The following RIMS1 variants were observed in gnomAD, a reference collection of about 807,000 sequenced individuals.
The protein encoded by RIMS1 is regulating synaptic membrane exocytosis 1, also known as regulating synaptic membrane exocytosis protein 1.
Under a neutral mutation model 214.1 loss-of-function variants are expected in RIMS1, and 83 were observed. The observed-to-expected ratio is 0.39, with a 90% CI of 0.32 to 0.47. RIMS1 has a LOEUF of 0.47. Among genes scored for constraint, RIMS1 ranks in the 20% least tolerant of loss-of-function variants. RIMS1 has a pLI of 0.99. For synonymous variants in RIMS1, 793 were observed against 786.8 expected (o/e 1.01, Z -0.13); for missense variants, 2,050 against 2,161.8 (o/e 0.95, Z 1.03).
chr6:72,097,189 G>T (rs538064300), intron 3 of RIMS1, 27 bp downstream of exon 3: 1 of 1,591,248 alleles, frequency 6.3e-7, no homozygotes, highest in South Asian at 1.1e-5. Flanking sequence ...CATAAGGGGC[G>T]TTGTGAATGT....
rs2044647747 is a variant in RIMS1, at chr6:72,157,836, T to C, written c.472-21739T>C. ...TTCTATTTCCCATTTTATTACTTCT[T>C]TTGGATTAGTTATATTAGCATTCTA... is the stretch of plus-strand genomic sequence containing the variant. On this transcript the variant is annotated intron_variant, in intron 4 of 33. Coordinates refer to ENST00000521978, the MANE Select transcript of RIMS1 (RefSeq NM_014989.7). Among the ~76,000 whole-genome samples, 2 of 140,628 alleles carry C rather than the reference T, an allele frequency of 1.4e-5. 1 individual carries two copies. Among genetic ancestry groups the C allele is most frequent in the South Asian group, 4.6e-4 (2 of 4,330 alleles). 92.3% of individuals were successfully genotyped at this position (140,628 alleles called of 152,430 possible). A position where few individuals can be genotyped will look rare whatever the true frequency, so the allele number is the denominator to read the frequency against.
chr6:72,057,026 A>T (rs1166274757), intron 2 of RIMS1, among the ~76,000 whole-genome samples: 1 of 152,110 alleles, frequency 6.6e-6, no homozygotes, highest in African/African-American at 2.4e-5. Flanking sequence ...CAGAGGGTGG[A>T]GGGTGGGAGC....
chr6:72,133,343 G>T (rs2040763238), intron 4 of RIMS1, among the ~76,000 whole-genome samples: 1 of 150,640 alleles, frequency 6.6e-6, no homozygotes, highest in African/African-American at 2.4e-5. Flanking sequence ...CTTCAAGTTT[G>T]TAGAATGCGT....
At chr6:72,324,154 A>G (rs2096330710) in intron 28 of RIMS1, among the ~76,000 whole-genome samples, 1 of 151,952 alleles carries the variant, frequency 6.6e-6, no homozygotes, top group African/African-American at 2.4e-5. Flanking sequence ...GAAGAAAAGT[A>G]TCTCCAGTTG....
intron 29 of RIMS1, among the ~76,000 whole-genome samples, chr6:72,387,372 C>T (rs980036477): frequency 6.6e-6 from 1 of 152,158 alleles, no homozygotes; most frequent in Non-Finnish European, 1.5e-5. Context: ...CTCATGCTGT[C>T]TTGGATAAAC....
At chr6:71,921,804 T>C (rs1325151151) in intron 1 of RIMS1, among the ~76,000 whole-genome samples, 1 of 152,212 alleles carries the variant, frequency 6.6e-6, no homozygotes, top group Non-Finnish European at 1.5e-5. Context: ...TTTGTCTTTA[T>C]TACGCAAATG....
intron 12 of RIMS1, 119 bp downstream of exon 12, chr6:72,248,246 A>G (rs2071202857): frequency 5.3e-6 from 3 of 565,570 alleles, no homozygotes; most frequent in Non-Finnish European, 3.2e-6. Context: ...ATTTAACACC[A>G]TAATCTACTT....
At chr6:71,940,575 C>CATA (rs1175312660) in intron 1 of RIMS1, among the ~76,000 whole-genome samples, 1 of 152,062 alleles carries the variant, frequency 6.6e-6, no homozygotes, top group East Asian at 1.9e-4. Flanking sequence ...AGACTTTATT[C>CATA]AAGACTATTG....
At chr6:71,992,404 C>CTCTTTCTTTCTTTCTTTCTTTCTT (rs70994109) in intron 2 of RIMS1, among the ~76,000 whole-genome samples, 48 of 110,162 alleles carry the variant, frequency 4.4e-4, no homozygotes, top group East Asian at 1.3e-3. Context: ...TTCTCTCTCT[C>CTCTTTCTTTCTTTCTTTCTTTCTT]TCTTTCTTTC....
chr6:72,265,471 A>C lies in RIMS1; in HGVS notation c.3276A>C (p.Thr1092=), dbSNP rs759086959. ...ISLHHECFNS[T]VLRFTDEILV... is the part of the protein sequence containing the mutation. ...TTCATCATGAATGCTTTAACTCAAC[A>C]GTATTGAGATTTACTGATGAAATAC... is the stretch of plus-strand genomic sequence containing the variant. The change falls in exon 21 of 34, where the codon ACA becomes ACC. Residue 1092 remains threonine (T), a synonymous_variant. Transcript: ENST00000521978. 3 of 1,601,736 alleles carry C rather than the reference A, an allele frequency of 1.9e-6. No homozygotes were observed. Among genetic ancestry groups the C allele is most frequent in the African/African-American group, 2.7e-5 (2 of 74,592 alleles).
intron 28 of RIMS1, among the ~76,000 whole-genome samples, chr6:72,315,197 A>G (rs1373878828): frequency 6.6e-6 from 1 of 152,178 alleles, no homozygotes; most frequent in Non-Finnish European, 1.5e-5. Flanking sequence ...ATCAGCATGG[A>G]CTATAACCAT....
At chr6:71,993,931 G>C (rs1034541614) in intron 2 of RIMS1, among the ~76,000 whole-genome samples, 1 of 151,998 alleles carries the variant, frequency 6.6e-6, no homozygotes, top group African/African-American at 2.4e-5. Context: ...ACTATTGTTG[G>C]TTAAATGAAC....
chr6:72,016,366 G>T (rs1562121067), intron 2 of RIMS1, among the ~76,000 whole-genome samples: 1 of 151,784 alleles, frequency 6.6e-6, no homozygotes, highest in Non-Finnish European at 1.5e-5. Flanking sequence ...ATTTGCTTTT[G>T]GTTTAGTTTG....
chr6:72,154,209 C>T (rs1313624364), intron 4 of RIMS1, among the ~76,000 whole-genome samples: 1 of 96,454 alleles, frequency 1.0e-5, no homozygotes, highest in Non-Finnish European at 2.7e-5. Context: ...ATGTGTTTTA[C>T]AGACAGCAAA....
chr6:72,052,323 T>G (rs952922849), intron 2 of RIMS1, among the ~76,000 whole-genome samples: 1 of 152,202 alleles, frequency 6.6e-6, no homozygotes, highest in Non-Finnish European at 1.5e-5. Context: ...TCTAGGTTGC[T>G]TAAGGGATAC....
At chr6:72,024,158 A>G (rs1252442753) in intron 2 of RIMS1, among the ~76,000 whole-genome samples, 2 of 152,126 alleles carry the variant, frequency 1.3e-5, no homozygotes, top group Admixed American at 6.5e-5. Flanking sequence ...TTCTCTTACT[A>G]CATCTCTCTT....
intron 4 of RIMS1, among the ~76,000 whole-genome samples, chr6:72,155,007 C>A (rs1318193197): frequency 7.1e-6 from 1 of 139,926 alleles, no homozygotes; most frequent in African/African-American, 2.5e-5. Flanking sequence ...TGACAATGAA[C>A]TCCTCTCATG....
chr6:71,947,908 G>T (rs1032563561), intron 1 of RIMS1, among the ~76,000 whole-genome samples: 12 of 151,746 alleles, frequency 7.9e-5, no homozygotes, highest in African/African-American at 2.9e-4. Context: ...GTTTGTACAG[G>T]CACTCTAAAT....
chr6:72,324,054 A>G (rs1007558451), intron 28 of RIMS1, among the ~76,000 whole-genome samples: 1 of 151,804 alleles, frequency 6.6e-6, no homozygotes, highest in Admixed American at 6.6e-5. Context: ...ATAGATAGAT[A>G]GATAGATAGA....
Sources: allele counts gnomAD v4.1 joint callset (sites outside exome capture counted in the v4.1 genomes callset), GRCh38; gene constraint gnomAD v4.1.1; transcripts MANE v1.5; gene names NCBI Gene and HGNC (gene_info 2026-07-23, HGNC 2026-07-21).